Variants in CD300A observed in about 807,000 individuals in gnomAD.
The protein encoded by CD300A is CMRF35-like molecule 8.
In CD300A, 22 loss-of-function variants were observed where a neutral mutation model predicts 33.6. That is an observed-to-expected ratio of 0.66 (90% CI 0.47 to 0.94). The LOEUF (loss-of-function observed/expected upper bound fraction) is 0.94, where lower values mean the gene tolerates loss of function less well. Ranked by LOEUF, CD300A falls within the 40% of genes least tolerant of loss-of-function variation. CD300A has a pLI of 0.00. For synonymous variants in CD300A, 136 were observed against 148.1 expected, an observed-to-expected ratio of 0.92 and a Z score of 0.59; for missense variants, 326 against 360.5, an observed-to-expected ratio of 0.90 and a Z score of 0.77.
At chr17:74,475,291 A>G (rs1404374642) in intron 3 of CD300A, among the ~76,000 whole-genome samples, 1 of 152,160 alleles carries the variant, frequency 6.6e-6, no homozygotes, top group African/African-American at 2.4e-5. Context: ...GTTATCTCCC[A>G]CTGGGTCCCT....
intron 2 of CD300A, among the ~76,000 whole-genome samples, chr17:74,474,254 A>T (rs1381668121): frequency 6.6e-6 from 1 of 152,124 alleles, no homozygotes. Context: ...TCAGATTTGC[A>T]GTGTAGACAG....
At chr17:74,470,194 CG>C (rs1365495439) in intron 1 of CD300A, 14 of 985,266 alleles carry the variant, frequency 1.4e-5, no homozygotes, top group Middle Eastern at 5.2e-4. Flanking sequence ...AGAGAGAAAG[CG>C]CAGAAACACA....
Position 74,466,754 on chromosome 17 carries a change from C to T in CD300A, c.40+11C>T, listed in dbSNP as rs1224009271. 7 of 1,584,776 alleles carry T rather than the reference C, an allele frequency of 4.4e-6. No homozygotes were observed. The highest frequency in any genetic ancestry group is 6.0e-6 in the Non-Finnish European group (7 of 1,164,964). ...TTCTCTGGGTCCCAGGTGAGAGTTT[C>T]CCTTCCCGGGAAAGTCTGCGGCAGG... On this transcript the variant is annotated intron_variant, in intron 1 of 6. Transcript: ENST00000360141.
Position 74,474,815 on chromosome 17 carries a change from G to A in CD300A, c.533+130G>A, listed in dbSNP as rs1273015962. The A allele has an allele frequency of 1.9e-5, 17 of 914,236 alleles. 1 individual carries two copies. In the South Asian group the frequency reaches 2.4e-4, roughly 13 times the overall value. The allele number at this position is 914,236 out of a possible 1,614,324, so 56.6% of individuals were successfully genotyped here. A position where few individuals can be genotyped will look rare whatever the true frequency, so the allele number is the denominator to read the frequency against. ...CCTTTGCCCCAGGCCCAGGTTGGAA[G>A]CCATAGTCTGAACACCCCGGCTTGG... On this transcript the variant is annotated intron_variant, in intron 3 of 6. Transcript: ENST00000360141.
intron 2 of CD300A, among the ~76,000 whole-genome samples, chr17:74,474,193 G>C (rs1906309277): frequency 6.6e-6 from 1 of 151,778 alleles, no homozygotes; most frequent in Non-Finnish European, 1.5e-5. Flanking sequence ...AGAGGCTGGG[G>C]GGCCAGATGG....
chr17:74,468,841 A>G (rs928788298), intron 1 of CD300A, among the ~76,000 whole-genome samples: 2 of 152,184 alleles, frequency 1.3e-5, no homozygotes, highest in African/African-American at 2.4e-5. Flanking sequence ...GTATTTTAGT[A>G]GAGACGGGGT....
At chr17:74,475,827 C>A (rs897570531) in intron 3 of CD300A, among the ~76,000 whole-genome samples, 1 of 152,020 alleles carries the variant, frequency 6.6e-6, no homozygotes, top group Admixed American at 6.6e-5. Context: ...GTTCCCAGGA[C>A]CCCCCCAGGT....
chr17:74,472,497 C>T (rs566734562), intron 1 of CD300A, among the ~76,000 whole-genome samples: 3 of 152,208 alleles, frequency 2.0e-5, no homozygotes, highest in East Asian at 1.9e-4. Context: ...AAATGTCAGA[C>T]ATAATTTTCA....
chr17:74,481,933 G>A (rs1906885233), intron 6 of CD300A, 100 bp downstream of exon 6: 1 of 828,762 alleles, frequency 1.2e-6, no homozygotes, highest in South Asian at 1.6e-5. Context: ...TCGGCTTGGT[G>A]ATCTTGTGCC....
At chr17:74,468,009 T>TTTTATTTA (rs138029210) in intron 1 of CD300A, among the ~76,000 whole-genome samples, 22,073 of 146,320 alleles carry the variant, frequency 0.15, 2,135 homozygotes, top group East Asian at 0.38. Context: ...GCATTTTTAC[T>TTTTATTTA]TTTATTTATT....
chr17:74,483,572 G>T (rs1338817547), intron 6 of CD300A, among the ~76,000 whole-genome samples: 1 of 152,134 alleles, frequency 6.6e-6, no homozygotes, highest in Admixed American at 6.5e-5. Context: ...ACCCAGGCTG[G>T]TCTCAAACTC....
upstream of CD300A, chr17:74,466,567 A>G: frequency 9.9e-7 from 1 of 1,014,212 alleles, no homozygotes; most frequent in Non-Finnish European, 1.5e-6. Flanking sequence ...CCAGGAATAG[A>G]ACCAAAAGAA....
chr17:74,467,976 A>G (rs1905835276), intron 1 of CD300A, among the ~76,000 whole-genome samples: 1 of 152,100 alleles, frequency 6.6e-6, no homozygotes, highest in Admixed American at 6.5e-5. Context: ...GGAAGAAGGG[A>G]TCCACCAATG....
In CD300A at chr17:74,481,808, A is replaced by G. The variant is rs1339066529; in HGVS notation, c.749A>G (p.Glu250Gly). 2 of 1,611,666 alleles carry G rather than the reference A, an allele frequency of 1.2e-6. No homozygotes were observed. Among genetic ancestry groups the G allele is most frequent in the East Asian group, 4.5e-5 (2 of 44,822 alleles). Residue 250 changes from glutamate to glycine, a missense_variant, in exon 6 of 7, where the codon GAG becomes GGG. Transcript: ENST00000360141. The part of the protein sequence containing the change: ...PLQEKPAPPR[E>G]VEVEYSTVAS... ...CAGGAAAAGCCAGCACCACCAAGGG[A>G]GGTGGAGGTGGAATACAGCACTGTG...
intron 2 of CD300A, 83 bp from the exon 3 acceptor site, chr17:74,474,449 T>G: frequency 7.0e-7 from 1 of 1,430,530 alleles, no homozygotes; most frequent in South Asian, 1.3e-5. Flanking sequence ...GCAGTTTGTG[T>G]GAAATCAAAC....
intron 1 of CD300A, among the ~76,000 whole-genome samples, chr17:74,469,522 C>T (rs1356224357): frequency 6.6e-6 from 1 of 152,134 alleles, no homozygotes; most frequent in Non-Finnish European, 1.5e-5. Context: ...TGACTACCTA[C>T]TAGTCTAATT....
intron 1 of CD300A, among the ~76,000 whole-genome samples, chr17:74,467,794 A>G (rs767250710): frequency 1.3e-5 from 2 of 152,120 alleles, no homozygotes; most frequent in Admixed American, 6.5e-5. Flanking sequence ...CTTCTGTTTC[A>G]TAGGGTCGGT....
At chr17:74,475,666 C>T (rs1906413765) in intron 3 of CD300A, among the ~76,000 whole-genome samples, 1 of 152,142 alleles carries the variant, frequency 6.6e-6, no homozygotes, top group Non-Finnish European at 1.5e-5. Flanking sequence ...TCCATCCTGG[C>T]ACTATCCACC....
intron 6 of CD300A, among the ~76,000 whole-genome samples, chr17:74,482,260 G>C (rs1598110025): frequency 6.6e-6 from 1 of 151,992 alleles, no homozygotes; most frequent in Admixed American, 6.6e-5. Flanking sequence ...GATGGGGGCT[G>C]CCTCCCTGGG....
Sources: gnomAD v4.1 joint callset for allele counts (sites outside exome capture counted in the v4.1 genomes callset) on GRCh38, gnomAD v4.1.1 for gene constraint, MANE v1.5 for transcripts, NCBI Gene and HGNC (gene_info 2026-07-23, HGNC 2026-07-21) for gene names.